The following CAST variants were observed in gnomAD, a reference collection of about 807,000 sequenced individuals.
The protein encoded by CAST is MIR583 host.
A neutral mutation model predicts 119.6 loss-of-function variants in CAST; 76 were observed. The observed-to-expected ratio is 0.64, with a 90% confidence interval of 0.53 to 0.77. The LOEUF (loss-of-function observed/expected upper bound fraction) is 0.77, where lower values mean the gene tolerates loss of function less well. CAST is among the 30% of genes least tolerant of loss of function. CAST has a pLI of 0.00. For synonymous variants in CAST, 319 were observed against 331.6 expected, an observed-to-expected ratio of 0.96 and a Z score of 0.41; for missense variants, 953 against 946.5, an observed-to-expected ratio of 1.01 and a Z score of -0.09.
At chr5:96,270,421 G>T in the CAST span, among the ~76,000 whole-genome samples, 1 of 152,078 alleles carries the variant, frequency 6.6e-6, no homozygotes, top group African/African-American at 2.4e-5. Flanking sequence ...GAAATAAAGG[G>T]CATCCAAATT....
the CAST span, among the ~76,000 whole-genome samples, chr5:95,991,495 TTG>T: frequency 1.2e-3 from 168 of 142,486 alleles, 3 homozygotes; most frequent in African/African-American, 3.8e-3. Context: ...ACAACAAGTT[TTG>T]TTTTTTTTTT....
At chr5:96,076,049 T>A in the CAST span, among the ~76,000 whole-genome samples, 1 of 152,218 alleles carries the variant, frequency 6.6e-6, no homozygotes, top group South Asian at 2.1e-4. Context: ...AGAGTGAATG[T>A]CCAGGGTCTG....
chr5:96,535,704 G>GC (rs1745798371), intron 1 of CAST, among the ~76,000 whole-genome samples: 1 of 151,058 alleles, frequency 6.6e-6, no homozygotes, highest in Non-Finnish European at 1.5e-5. Context: ...CTCTCGAGTA[G>GC]CTGGGACTAC....
At chr5:96,711,737 A>C (rs1207667547) in intron 3 of CAST, among the ~76,000 whole-genome samples, 2 of 152,204 alleles carry the variant, frequency 1.3e-5, no homozygotes, top group African/African-American at 4.8e-5. Context: ...TAAATAACTG[A>C]GAGGGGAATT....
chr5:96,048,925 T>C, the CAST span, among the ~76,000 whole-genome samples: 1 of 152,066 alleles, frequency 6.6e-6, no homozygotes, highest in Non-Finnish European at 1.5e-5. Flanking sequence ...CCAGGAGCCA[T>C]GTAGGATCAA....
chr5:96,259,379 A>C, the CAST span, among the ~76,000 whole-genome samples: 2 of 152,292 alleles, frequency 1.3e-5, no homozygotes, highest in South Asian at 4.1e-4. Flanking sequence ...TTTCAAGGGG[A>C]CTTGCTGTCT....
chr5:96,296,235 C>T, the CAST span, among the ~76,000 whole-genome samples: 1 of 152,114 alleles, frequency 6.6e-6, no homozygotes, highest in Non-Finnish European at 1.5e-5. Context: ...CTGGTTAGAT[C>T]CTCTTTTATT....
the CAST span, among the ~76,000 whole-genome samples, chr5:96,507,243 A>G: frequency 2.6e-5 from 4 of 152,134 alleles, no homozygotes; most frequent in Admixed American, 1.3e-4. Context: ...GAAAAGGGGC[A>G]CGTAAACTAA....
At chr5:96,070,033 G>T in the CAST span, among the ~76,000 whole-genome samples, 18 of 152,256 alleles carry the variant, frequency 1.2e-4, no homozygotes, top group East Asian at 2.5e-3. Flanking sequence ...TAAGTCTGAA[G>T]ACAGTCTGGA....
the CAST span, among the ~76,000 whole-genome samples, chr5:96,339,641 G>T: frequency 1.3e-5 from 2 of 152,186 alleles, no homozygotes; most frequent in African/African-American, 4.8e-5. Flanking sequence ...CATAAAACTT[G>T]AAGTCATAGG....
chr5:96,596,540 T>C lies in CAST; in HGVS notation c.60+66660T>C, dbSNP rs182813297. Reference sequence around the variant, plus strand: ...GTGTTGTAAATTGTTTCAGCAAAAATAGGAAACTAAAACCAGCAATAGGAA... The same window carrying C: ...GTGTTGTAAATTGTTTCAGCAAAAACAGGAAACTAAAACCAGCAATAGGAA... On this transcript the variant is annotated intron_variant, in intron 1 of 11. Transcript: ENST00000505143. 1.2e-3 allele frequency among the ~76,000 whole-genome samples: 182 copies of C among 152,208 alleles called. 1 individual carries two copies. Among genetic ancestry groups the C allele is most frequent in the Admixed American group, 1.9e-3 (29 of 15,288 alleles).
the CAST span, among the ~76,000 whole-genome samples, chr5:96,248,720 T>C: frequency 1.3e-5 from 2 of 152,230 alleles, no homozygotes; most frequent in African/African-American, 4.8e-5. Flanking sequence ...TAATTCACAA[T>C]GAAATATTAT....
At chr5:96,338,434 T>A in the CAST span, among the ~76,000 whole-genome samples, 1 of 152,216 alleles carries the variant, frequency 6.6e-6, no homozygotes, top group Non-Finnish European at 1.5e-5. Context: ...TATTAGAACT[T>A]GTAAATTTCT....
the CAST span, among the ~76,000 whole-genome samples, chr5:96,245,542 G>A: frequency 6.6e-6 from 1 of 151,396 alleles, no homozygotes; most frequent in Non-Finnish European, 1.5e-5. Context: ...TTGCCCCACT[G>A]ACAACAGAGT....
At chr5:96,326,141 G>A in the CAST span, among the ~76,000 whole-genome samples, 1 of 152,126 alleles carries the variant, frequency 6.6e-6, no homozygotes, top group South Asian at 2.1e-4. Context: ...CAGTCATTAA[G>A]TTAACTTATG....
chr5:96,265,692 C>T, the CAST span, among the ~76,000 whole-genome samples: 2 of 152,106 alleles, frequency 1.3e-5, no homozygotes. Context: ...AATGTTTTAC[C>T]AGTTATCTGG....
chr5:96,619,814 G>A lies in CAST; in HGVS notation c.61-55725G>A, dbSNP rs192438535. Among the ~76,000 whole-genome samples the A allele has an allele frequency of 3.1e-3, 464 of 152,042 alleles. 2 individuals are homozygous for A. Among genetic ancestry groups the A allele is most frequent in the African/African-American group, 0.011 (443 of 41,350 alleles). ...CCATACCAAGAAACCACCAATTTCC[G>A]ACACATTAGCATTACAAGTCCTGCA... On this transcript the variant is annotated intron_variant, in intron 1 of 11. Coordinates refer to the CAST transcript ENST00000505143.
At chr5:95,998,052 GA>G in the CAST span, among the ~76,000 whole-genome samples, 1 of 147,330 alleles carries the variant, frequency 6.8e-6, no homozygotes. Context: ...CCATGTAATG[GA>G]ATACTGAATG....
At chr5:96,037,264 A>G in the CAST span, among the ~76,000 whole-genome samples, 2 of 152,168 alleles carry the variant, frequency 1.3e-5, no homozygotes, top group African/African-American at 2.4e-5. Context: ...ATTTCCTACC[A>G]TGACGCTGGG....
Sources: gnomAD v4.1 joint callset for allele counts (sites outside exome capture counted in the v4.1 genomes callset) on GRCh38, gnomAD v4.1.1 for gene constraint, MANE v1.5 for transcripts, NCBI Gene and HGNC (gene_info 2026-07-23, HGNC 2026-07-21) for gene names.